LRMDA: variants seen among roughly 807,000 people sequenced by gnomAD.
The protein encoded by LRMDA is leucine rich melanocyte differentiation associated, also known as leucine-rich melanocyte differentiation-associated protein.
Under a neutral mutation model 29.8 loss-of-function variants are expected in LRMDA, and 18 were observed. The ratio of observed to expected loss-of-function variants is 0.60; its 90% confidence interval spans 0.42 to 0.90. The LOEUF (loss-of-function observed/expected upper bound fraction) is 0.90. Among genes scored for constraint, LRMDA ranks in the 40% least tolerant of loss-of-function variants. The pLI, the probability that LRMDA is intolerant of heterozygous loss-of-function variation, is 0.00. For missense variants in LRMDA, 273 were observed against 273.9 expected (o/e 1.00, Z 0.02); for synonymous variants, 125 against 109.4 (o/e 1.14, Z -0.89).
intron 2 of LRMDA, among the ~76,000 whole-genome samples, chr10:75,825,299 G>C (rs1844229902): frequency 2.6e-5 from 4 of 152,130 alleles, no homozygotes; most frequent in Admixed American, 2.6e-4. Context: ...TACAAACTTT[G>C]GGTGGTGTTA....
chr10:76,027,416 T>G (rs556466697), intron 2 of LRMDA, among the ~76,000 whole-genome samples: 1 of 152,350 alleles, frequency 6.6e-6, no homozygotes, highest in Admixed American at 6.5e-5. Context: ...ATATTCATGA[T>G]AGAAAATTTA....
intron 2 of LRMDA, among the ~76,000 whole-genome samples, chr10:75,591,870 A>G (rs1412003369): frequency 6.6e-6 from 1 of 152,056 alleles, no homozygotes; most frequent in African/African-American, 2.4e-5. Flanking sequence ...GGTGGAGGAG[A>G]GGGGTGAAAA....
At chr10:75,608,108 GTGTA>G (rs995056261) in intron 2 of LRMDA, among the ~76,000 whole-genome samples, 10 of 88,448 alleles carry the variant, frequency 1.1e-4, no homozygotes, top group Admixed American at 3.6e-4. Flanking sequence ...ATTGTAGTGT[GTGTA>G]TATATATATA....
intron 2 of LRMDA, chr10:75,783,169 A>C (rs909183299): frequency 4.6e-6 from 5 of 1,080,242 alleles, no homozygotes; most frequent in African/African-American, 3.2e-5. Context: ...TAACATTGTC[A>C]GTGAAGAGTA....
intron 6 of LRMDA, among the ~76,000 whole-genome samples, chr10:76,530,485 A>T (rs1009746350): frequency 1.3e-5 from 2 of 152,180 alleles, no homozygotes; most frequent in African/African-American, 4.8e-5. Context: ...TAGTTATCTC[A>T]TAAAGTTGTT....
chr10:76,370,578 C>A (rs1841442741), intron 6 of LRMDA, among the ~76,000 whole-genome samples: 1 of 152,100 alleles, frequency 6.6e-6, no homozygotes, highest in South Asian at 2.1e-4. Context: ...CCACGATCAA[C>A]TGCAGTCCAA....
Position 76,301,523 on chromosome 10 carries a change from G to GT in LRMDA, c.517-22874dup, listed in dbSNP as rs555797134. Among the ~76,000 whole-genome samples the GT allele has an allele frequency of 2.7e-4, 41 of 152,216 alleles. No homozygotes were observed. The South Asian group carries it at 4.8e-3, about 18-fold the overall frequency. On this transcript the variant is annotated intron_variant, in intron 5 of 6. Transcript: ENST00000611255. Reference sequence around the variant, plus strand: ...TAGGACCAAGTGCTTGCTTCATCACGTTTTAGGAAAAATTGCCAAAGTATA... The same window carrying GT: ...TAGGACCAAGTGCTTGCTTCATCACGTTTTTAGGAAAAATTGCCAAAGTATA...
At chr10:75,504,275 T>G (rs1176061875) in intron 2 of LRMDA, among the ~76,000 whole-genome samples, 1 of 152,150 alleles carries the variant, frequency 6.6e-6, no homozygotes, top group Non-Finnish European at 1.5e-5. Flanking sequence ...GTTATAGGCG[T>G]GAGCCACGGC....
At chr10:76,415,263 A>G (rs1842002725) in intron 6 of LRMDA, among the ~76,000 whole-genome samples, 2 of 152,248 alleles carry the variant, frequency 1.3e-5, no homozygotes, top group Non-Finnish European at 2.9e-5. Flanking sequence ...GGGTTGACAT[A>G]AAGACATCAG....
chr10:76,195,739 T>G (rs1851321257), intron 5 of LRMDA, among the ~76,000 whole-genome samples: 1 of 152,216 alleles, frequency 6.6e-6, no homozygotes, highest in Non-Finnish European at 1.5e-5. Flanking sequence ...TCTGGGGCAT[T>G]TAGTTCTTCA....
chr10:76,373,946 A>G (rs1347928767), intron 6 of LRMDA, among the ~76,000 whole-genome samples: 1 of 152,214 alleles, frequency 6.6e-6, no homozygotes, highest in Admixed American at 6.5e-5. Flanking sequence ...TTGGTTTTCA[A>G]TAGTGGATGG....
intron 6 of LRMDA, among the ~76,000 whole-genome samples, chr10:76,430,733 G>T (rs910944559): frequency 2.0e-5 from 3 of 152,158 alleles, no homozygotes; most frequent in African/African-American, 7.2e-5. Flanking sequence ...GAGCTAGAAT[G>T]TTCAGAGGAA....
chr10:75,464,431 CAT>C (rs1189146032), intron 2 of LRMDA, among the ~76,000 whole-genome samples: 1 of 152,134 alleles, frequency 6.6e-6, no homozygotes, highest in Non-Finnish European at 1.5e-5. Flanking sequence ...TGTAAGCACA[CAT>C]GTTAGCTGTA....
intron 2 of LRMDA, among the ~76,000 whole-genome samples, chr10:75,626,924 G>A (rs746168716): frequency 1.8e-4 from 27 of 152,176 alleles, no homozygotes; most frequent in East Asian, 5.8e-4. Flanking sequence ...TCCAGCCATC[G>A]GGCTTTGACA....
At chr10:75,633,419 C>T (rs1222748036) in intron 2 of LRMDA, among the ~76,000 whole-genome samples, 1 of 152,054 alleles carries the variant, frequency 6.6e-6, no homozygotes, top group African/African-American at 2.4e-5. Flanking sequence ...TTCTCCACTC[C>T]CTGTGTGGGT....
chr10:76,516,774 G>C (rs1190676679), intron 6 of LRMDA, among the ~76,000 whole-genome samples: 1 of 152,060 alleles, frequency 6.6e-6, no homozygotes. Context: ...CCAAGTCTTT[G>C]CTATTGCGAA....
At chr10:75,738,574 G>A (rs1222452724) in intron 2 of LRMDA, among the ~76,000 whole-genome samples, 1 of 152,150 alleles carries the variant, frequency 6.6e-6, no homozygotes, top group Non-Finnish European at 1.5e-5. Flanking sequence ...AATAATCAAT[G>A]ACCAAAACGC....
chr10:75,914,672 A>C (rs1164413467), intron 2 of LRMDA, among the ~76,000 whole-genome samples: 1 of 152,226 alleles, frequency 6.6e-6, no homozygotes, highest in East Asian at 1.9e-4. Flanking sequence ...CACATCCCTC[A>C]GTTAACTAAC....
At chr10:76,505,423 A>G (rs1051443055) in intron 6 of LRMDA, among the ~76,000 whole-genome samples, 3 of 152,098 alleles carry the variant, frequency 2.0e-5, no homozygotes, top group Non-Finnish European at 4.4e-5. Context: ...GTCTCTTTAT[A>G]TAACCATATA....
Sources: gnomAD v4.1 joint callset for allele counts (sites outside exome capture counted in the v4.1 genomes callset) on GRCh38, gnomAD v4.1.1 for gene constraint, MANE v1.5 for transcripts, NCBI Gene and HGNC (gene_info 2026-07-23, HGNC 2026-07-21) for gene names.